Variants in DIP2C observed in about 807,000 individuals in gnomAD.
The protein encoded by DIP2C is DIP2 acetate--CoA ligase C (putative).
A neutral mutation model predicts 192.4 loss-of-function variants in DIP2C; 33 were observed. That is an observed-to-expected ratio of 0.17 (90% CI 0.13 to 0.23). The LOEUF is 0.23. Among genes scored for constraint, DIP2C ranks in the 10% least tolerant of loss-of-function variants. DIP2C has a pLI of 1.00. For missense variants in DIP2C, 1,537 were observed against 2,110.1 expected (o/e 0.73, Z 5.32); for synonymous variants, 979 against 864.1 (o/e 1.13, Z -2.33).
intron 1 of DIP2C, among the ~76,000 whole-genome samples, chr10:623,779 G>A (rs571597244): frequency 6.6e-5 from 10 of 151,860 alleles, no homozygotes; most frequent in Non-Finnish European, 1.5e-4. Context: ...ATGCAGGGCT[G>A]AGGGGAGCAG....
At chr10:438,367 A>G (rs1967439323) in intron 4 of DIP2C, among the ~76,000 whole-genome samples, 1 of 152,254 alleles carries the variant, frequency 6.6e-6, no homozygotes, top group African/African-American at 2.4e-5. Flanking sequence ...AATTCGGTTT[A>G]AAATATTTCA....
intron 16 of DIP2C, 61 bp downstream of exon 16, chr10:383,962 CGAAA>C: frequency 8.1e-7 from 1 of 1,230,488 alleles, no homozygotes; most frequent in Non-Finnish European, 1.0e-6. Flanking sequence ...GCCTGCCTCA[CGAAA>C]AAAAAAAAAA....
At chr10:612,456 A>G (rs1564269321) in intron 1 of DIP2C, among the ~76,000 whole-genome samples, 1 of 152,244 alleles carries the variant, frequency 6.6e-6, no homozygotes, top group Non-Finnish European at 1.5e-5. Context: ...GGATGGAAGG[A>G]GAAAAAGCAC....
In DIP2C at chr10:565,770, G is replaced by A. The variant is rs867562227; in HGVS notation, c.86-79240C>T. On this transcript the variant is annotated intron_variant, in intron 1 of 36. Coordinates refer to ENST00000280886, the MANE Select transcript of DIP2C (RefSeq NM_014974.3). The stretch of plus-strand genomic sequence containing the variant: ...TTACAGTCGCGTAACGGAGTCGAGC[G>A]CAGCAAGGAGACTAAAGCAGGAGTT... Among the ~76,000 whole-genome samples the A allele has an allele frequency of 1.4e-4, 21 of 152,322 alleles. 1 individual carries two copies. The Middle Eastern group carries it at 0.017, about 123-fold the overall frequency.
chr10:281,192 C>T lies in DIP2C; in HGVS notation c.4418+8G>A, dbSNP rs371603541. ...GATTTGGGTACAAGCTGCAAGCTCA[C>T]GACTTACCATTCCGTAACGCTTTTA... On this transcript the variant is annotated splice_region_variant and intron_variant, in intron 36 of 36. Transcript: ENST00000280886. 40 of 1,613,652 alleles carry T rather than the reference C, an allele frequency of 2.5e-5. No homozygotes were observed. The highest frequency in any genetic ancestry group is 6.7e-5 in the East Asian group (3 of 44,886).
At chr10:481,336 G>T (rs561173805) in intron 2 of DIP2C, among the ~76,000 whole-genome samples, 12 of 152,270 alleles carry the variant, frequency 7.9e-5, no homozygotes, top group African/African-American at 2.4e-4. Context: ...CAACTGCAGG[G>T]ACCTCCTCCC....
At chr10:300,607 TGGA>T (rs1955985117) in intron 32 of DIP2C, among the ~76,000 whole-genome samples, 2 of 151,236 alleles carry the variant, frequency 1.3e-5, no homozygotes, top group Non-Finnish European at 2.9e-5. Context: ...CCTGAGCGTG[TGGA>T]GAAGCCGGAA....
chr10:481,807 T>C (rs554541792), intron 2 of DIP2C, among the ~76,000 whole-genome samples: 10 of 152,240 alleles, frequency 6.6e-5, no homozygotes, highest in Non-Finnish European at 1.5e-4. Flanking sequence ...GGTCACTCAG[T>C]GGGGCGGGGG....
At chr10:661,618 T>C (rs1856766734) in intron 1 of DIP2C, among the ~76,000 whole-genome samples, 2 of 152,204 alleles carry the variant, frequency 1.3e-5, no homozygotes, top group African/African-American at 2.4e-5. Context: ...AGCTCTTCTC[T>C]GGACTCTAAG....
At chr10:545,004 T>C (rs550603736) in intron 1 of DIP2C, among the ~76,000 whole-genome samples, 8 of 152,206 alleles carry the variant, frequency 5.3e-5, no homozygotes, top group Non-Finnish European at 8.8e-5. Flanking sequence ...TCACCTGGAT[T>C]CTCCCCTAAG....
intron 17 of DIP2C, among the ~76,000 whole-genome samples, chr10:380,572 C>T (rs995635514): frequency 5.9e-5 from 9 of 152,278 alleles, no homozygotes; most frequent in Non-Finnish European, 1.3e-4. Context: ...CAGGCATAAT[C>T]CGTCCTCTAC....
chr10:656,712 A>C (rs1856356093), intron 1 of DIP2C, among the ~76,000 whole-genome samples: 1 of 152,134 alleles, frequency 6.6e-6, no homozygotes, highest in South Asian at 2.1e-4. Flanking sequence ...ACCTGTGTGC[A>C]CACTGCTGGA....
intron 34 of DIP2C, among the ~76,000 whole-genome samples, chr10:284,800 G>A (rs926969586): frequency 2.0e-5 from 3 of 152,184 alleles, no homozygotes; most frequent in Non-Finnish European, 4.4e-5. Flanking sequence ...CGTGGTAACT[G>A]TTTCATAATA....
chr10:278,442 G>T (rs1417654556), intron 36 of DIP2C, among the ~76,000 whole-genome samples: 3 of 81,164 alleles, frequency 3.7e-5, no homozygotes, highest in African/African-American at 1.5e-4. Flanking sequence ...CTGTGCCATT[G>T]CAAGGATGGG....
At chr10:438,738 G>A (rs1442515120) in intron 4 of DIP2C, among the ~76,000 whole-genome samples, 1 of 152,104 alleles carries the variant, frequency 6.6e-6, no homozygotes, top group Non-Finnish European at 1.5e-5. Flanking sequence ...CAATCTGCCT[G>A]CCTTGGCTTC....
intron 1 of DIP2C, among the ~76,000 whole-genome samples, chr10:558,939 C>T (rs1454048098): frequency 1.3e-5 from 2 of 151,504 alleles, no homozygotes; most frequent in Admixed American, 6.6e-5. Context: ...CCTCCCCCAC[C>T]GACAGCCCAA....
chr10:663,179 A>C (rs925254795), intron 1 of DIP2C: 2 of 408,198 alleles, frequency 4.9e-6, no homozygotes, highest in Non-Finnish European at 8.7e-6. Flanking sequence ...TCCAGTGTAA[A>C]TAAACTGTGG....
At chr10:566,427 G>C (rs1347971259) in intron 1 of DIP2C, among the ~76,000 whole-genome samples, 1 of 152,176 alleles carries the variant, frequency 6.6e-6, no homozygotes, top group Non-Finnish European at 1.5e-5. Context: ...CCAAACCCTG[G>C]AGTGTTACAG....
chr10:501,625 A>C (rs1253016695), intron 1 of DIP2C, among the ~76,000 whole-genome samples: 1 of 152,062 alleles, frequency 6.6e-6, no homozygotes, highest in Non-Finnish European at 1.5e-5. Flanking sequence ...CGATCGAAGA[A>C]TATGATCGTA....
Sources: gnomAD v4.1 joint callset for allele counts (sites outside exome capture counted in the v4.1 genomes callset) on GRCh38, gnomAD v4.1.1 for gene constraint, MANE v1.5 for transcripts, NCBI Gene and HGNC (gene_info 2026-07-23, HGNC 2026-07-21) for gene names.